IFT122: variants seen among roughly 807,000 people sequenced by gnomAD.
IFT122 encodes the protein intraflagellar transport 122.
Under a neutral mutation model 161.6 loss-of-function variants are expected in IFT122, and 118 were observed. That is an observed-to-expected ratio of 0.73 (90% CI 0.63 to 0.85). The LOEUF (loss-of-function observed/expected upper bound fraction) is 0.85, where lower values mean the gene tolerates loss of function less well. Ranked by LOEUF, IFT122 falls within the 40% of genes least tolerant of loss-of-function variation. IFT122 has a pLI of 0.00. For synonymous variants in IFT122, 550 were observed against 602.4 expected (o/e 0.91, Z 1.27); for missense variants, 1,381 against 1,579.6 (o/e 0.87, Z 2.13).
intron 7 of IFT122, among the ~76,000 whole-genome samples, chr3:129,465,394 A>G (rs1050521471): frequency 6.6e-6 from 1 of 150,716 alleles, no homozygotes; most frequent in Non-Finnish European, 1.5e-5. Flanking sequence ...ATTGGCACCT[A>G]CCTTCTTAAA....
intron 16 of IFT122, among the ~76,000 whole-genome samples, chr3:129,490,910 C>T (rs1476200005): frequency 6.6e-6 from 1 of 152,224 alleles, no homozygotes; most frequent in Non-Finnish European, 1.5e-5. Flanking sequence ...TCTGATGCCT[C>T]CCTTAACGCT....
At chr3:129,511,385 G>A (rs187411591) in intron 23 of IFT122, among the ~76,000 whole-genome samples, 1 of 152,002 alleles carries the variant, frequency 6.6e-6, no homozygotes, top group African/African-American at 2.4e-5. Flanking sequence ...GAAGTGTAGA[G>A]CAAAGTGAGT....
intron 1 of IFT122, among the ~76,000 whole-genome samples, chr3:129,445,738 G>A (rs190838318): frequency 1.3e-5 from 2 of 152,306 alleles, no homozygotes; most frequent in Non-Finnish European, 2.9e-5. Flanking sequence ...ACCTCTCTGA[G>A]CCATGGTATC....
At chr3:129,472,959 C>T (rs745493118) in intron 9 of IFT122, among the ~76,000 whole-genome samples, 3 of 152,174 alleles carry the variant, frequency 2.0e-5, no homozygotes, top group East Asian at 3.9e-4. Flanking sequence ...TCATTACAAG[C>T]GTATTTTTCT....
intron 1 of IFT122, among the ~76,000 whole-genome samples, chr3:129,443,660 A>G (rs907508520): frequency 6.6e-6 from 1 of 152,256 alleles, no homozygotes; most frequent in African/African-American, 2.4e-5. Flanking sequence ...CAAATTGTGT[A>G]TGACTATAAT....
rs748855701 is a variant in IFT122 at position 129,451,936 on chromosome 3, CCTTA to C, written c.135_138del (p.Leu45PhefsTer43). The C allele has an allele frequency of 1.9e-6, 3 of 1,614,028 alleles. No homozygotes were observed. The highest frequency in any genetic ancestry group is 1.7e-6 in the Non-Finnish European group (2 of 1,179,886). On this transcript the variant is annotated frameshift_variant, in exon 3 of 30. Coordinates refer to ENST00000348417, the MANE Select transcript of IFT122 (RefSeq NM_052989.3). LOFTEE classifies it high-confidence loss of function. ...CAGGTTTATGACACCTCTGATGGCA[CCTTA>C]CTTCAGCCCCTCAAGGGACACAAAG...
rs780586191 is a variant in IFT122, at chr3:129,502,858, C to T, written c.2523C>T (p.His841=). 9.3e-6 allele frequency: 15 copies of T among 1,611,720 alleles called. No individual in the cohort carries two copies. The highest frequency in any genetic ancestry group is 2.2e-5 in the East Asian group (1 of 44,890). ...MGDLKSLVQL[H]VETQRWDEAF... Reference sequence around the variant, plus strand: ...ACCTCAAGTCCCTGGTGCAGCTGCACGTGGAGACCCAGCGCTGGGATGAGG... The same window carrying T: ...ACCTCAAGTCCCTGGTGCAGCTGCATGTGGAGACCCAGCGCTGGGATGAGG... Residue 841 remains histidine (H), a synonymous_variant, in exon 20 of 30, where the codon CAC becomes CAT. Transcript: ENST00000348417.
intron 16 of IFT122, among the ~76,000 whole-genome samples, chr3:129,490,600 A>C (rs181042858): frequency 1.4e-3 from 212 of 152,354 alleles, no homozygotes; most frequent in Admixed American, 3.6e-3. Flanking sequence ...GACCCTTGAG[A>C]GGGTGTCAGT....
chr3:129,464,768 T>G lies in IFT122; in HGVS notation c.550T>G (p.Trp184Gly), dbSNP rs1559877538. 4 of 1,614,206 alleles carry G rather than the reference T, an allele frequency of 2.5e-6. No homozygotes were observed. Among genetic ancestry groups the G allele is most frequent in the Admixed American group, 1.7e-5 (1 of 60,026 alleles). The change falls in exon 7 of 30, where the codon TGG (tryptophan) becomes GGG (glycine). Residue 184 changes from tryptophan (W) to glycine (G), a missense_variant. Trp to Gly is a radical substitution (Grantham distance 184). Around this residue, in one of 7 missense-constraint regions of IFT122, gnomAD observed 544 missense variants for 648.0 expected, o/e 0.84. Transcript: ENST00000348417. ...GSLSPIWSIC[W>G]NPSSRWESFW... is the part of the protein sequence containing the mutation. The stretch of plus-strand genomic sequence containing the variant: ...CCTCTCGCCAATATGGTCCATCTGC[T>G]GGAACCCTTCAAGGTACTCTTAAAG...
intron 26 of IFT122, among the ~76,000 whole-genome samples, chr3:129,516,444 CCACACACACAGAGACCGCCCCTG>C (rs2083655065): frequency 1.2e-5 from 1 of 82,716 alleles, no homozygotes; most frequent in Non-Finnish European, 2.4e-5. Context: ...CTGCCCCTGC[CCACACACACAGAGACCGCCCCTG>C]CACACACACA....
chr3:129,483,789 T>C, intron 15 of IFT122, 107 bp downstream of exon 15: 3 of 1,189,616 alleles, frequency 2.5e-6, no homozygotes, highest in Non-Finnish European at 3.7e-6. Context: ...GAGAGAAGAA[T>C]GGCAGCTGTG....
intron 4 of IFT122, chr3:129,459,167 C>T: frequency 2.6e-6 from 1 of 387,570 alleles, no homozygotes; most frequent in Non-Finnish European, 5.0e-6. Context: ...CCTCTCTAGA[C>T]TGGAACAGGT....
chr3:129,446,681 G>A (rs1205843683), intron 1 of IFT122, among the ~76,000 whole-genome samples: 1 of 152,030 alleles, frequency 6.6e-6, no homozygotes, highest in Non-Finnish European at 1.5e-5. Context: ...GTGTCAAACC[G>A]AGCTGCACCC....
chr3:129,458,483 A>C (rs2075795635), intron 3 of IFT122, 116 bp from the exon 4 acceptor site: 18 of 884,852 alleles, frequency 2.0e-5, no homozygotes, highest in Non-Finnish European at 3.4e-5. Flanking sequence ...GATAAGAACT[A>C]GGAAAGAAGC....
rs541009827 is a variant in IFT122, at chr3:129,488,125, T to C, written c.1852-132T>C. ...CTGGGCAGGCTGGGCAGGGTGCTGA[T>C]TGGCGGCTGCAGGGCTGCTCCCCAG... On this transcript the variant is annotated intron_variant, in intron 15 of 29. Coordinates refer to ENST00000348417, the MANE Select transcript of IFT122 (RefSeq NM_052989.3). The C allele has an allele frequency of 7.4e-3, 10,477 of 1,416,452 alleles. 36 individuals carry two copies. Among genetic ancestry groups the C allele is most frequent in the African/African-American group, 0.013 (773 of 59,528 alleles). 87.7% of individuals were successfully genotyped at this position (1,416,452 alleles called of 1,614,324 possible). A position where few individuals can be genotyped will look rare whatever the true frequency, so the allele number is the denominator to read the frequency against.
chr3:129,514,848 G>A, intron 25 of IFT122: 1 of 524,026 alleles, frequency 1.9e-6, no homozygotes, highest in Non-Finnish European at 3.5e-6. Flanking sequence ...TCTGTGCCCA[G>A]GTGGCTCTGC....
At position 129,506,459 on chromosome 3, in the gene IFT122, C is replaced by T; in HGVS notation, c.2701C>T (p.Leu901Phe). The T allele has an allele frequency of 6.2e-7, 1 of 1,614,220 alleles. No homozygotes were observed. The highest frequency in any genetic ancestry group is 8.5e-7 in the Non-Finnish European group (1 of 1,180,040). The change falls in exon 22 of 30, where the codon CTC (leucine) becomes TTC (phenylalanine). Residue 901 changes from leucine (L) to phenylalanine (F), a missense_variant. Around this residue, in one of 7 missense-constraint regions of IFT122, gnomAD observed 496 missense variants for 502.5 expected, o/e 0.99. Coordinates refer to ENST00000348417, the MANE Select transcript of IFT122 (RefSeq NM_052989.3). Reference protein sequence around the residue: ...QREAVQVLEQLTNNAVAESRF... With the variant: ...QREAVQVLEQFTNNAVAESRF... Reference sequence around the variant, plus strand: ...AGAAGCGGTCCAGGTGCTGGAGCAGCTCACAAACAATGCCGTGGCGGAGAG... The same window carrying T: ...AGAAGCGGTCCAGGTGCTGGAGCAGTTCACAAACAATGCCGTGGCGGAGAG...
At chr3:129,501,074 A>G (rs2081478797) in intron 19 of IFT122, among the ~76,000 whole-genome samples, 1 of 151,666 alleles carries the variant, frequency 6.6e-6, no homozygotes, top group South Asian at 2.1e-4. Context: ...GGTGGACAAC[A>G]GGGAGAGGAG....
intron 9 of IFT122, among the ~76,000 whole-genome samples, chr3:129,471,828 G>T (rs145781271): frequency 6.6e-6 from 1 of 152,316 alleles, no homozygotes; most frequent in East Asian, 1.9e-4. Flanking sequence ...CATTTGAAGT[G>T]TTAGTAATAC....
Sources: gnomAD v4.1 joint callset for allele counts (sites outside exome capture counted in the v4.1 genomes callset) on GRCh38, gnomAD v4.1.1 for gene constraint, gnomAD v4.1.1 regional missense constraint, MANE v1.5 for transcripts, NCBI Gene and HGNC (gene_info 2026-07-23, HGNC 2026-07-21) for gene names.